The following CDH12 variants were observed in gnomAD, a reference collection of about 807,000 sequenced individuals.
The protein encoded by CDH12 is cadherin-12.
CDH12 carries 41 observed loss-of-function variants against 74.1 expected under a neutral mutation model. The ratio of observed to expected loss-of-function variants is 0.55; its 90% CI spans 0.43 to 0.72. The LOEUF is 0.72. Among genes scored for constraint, CDH12 ranks in the 30% least tolerant of loss-of-function variants. The pLI, the probability that CDH12 is intolerant of heterozygous loss-of-function variation, is 0.00. For synonymous variants in CDH12, 399 were observed against 355.0 expected, an observed-to-expected ratio of 1.12 and a Z score of -1.39; for missense variants, 945 against 977.2, an observed-to-expected ratio of 0.97 and a Z score of 0.44.
intron 3 of CDH12, among the ~76,000 whole-genome samples, chr5:22,396,353 C>A (rs1200914827): frequency 6.6e-6 from 1 of 152,076 alleles, no homozygotes; most frequent in East Asian, 1.9e-4. Context: ...GCAAAGGAGA[C>A]TTTCTGCCTG....
At chr5:22,303,516 A>G (rs1232257531) in intron 3 of CDH12, among the ~76,000 whole-genome samples, 1 of 152,178 alleles carries the variant, frequency 6.6e-6, no homozygotes, top group Admixed American at 6.6e-5. Context: ...ATTAATGGAA[A>G]AAAAGTGATT....
chr5:21,804,004 C>A (rs1747284810), intron 9 of CDH12, among the ~76,000 whole-genome samples: 1 of 152,100 alleles, frequency 6.6e-6, no homozygotes, highest in African/African-American at 2.4e-5. Context: ...TTTCACCATA[C>A]TTTTTTATGC....
At chr5:21,936,996 G>C (rs1487146371) in intron 6 of CDH12, among the ~76,000 whole-genome samples, 1 of 152,116 alleles carries the variant, frequency 6.6e-6, no homozygotes, top group Non-Finnish European at 1.5e-5. Context: ...TTCTCAGGTA[G>C]TATCTTTATA....
At chr5:21,880,684 T>TTTCC (rs1363040442) in intron 6 of CDH12, among the ~76,000 whole-genome samples, 34 of 133,344 alleles carry the variant, frequency 2.5e-4, no homozygotes, top group African/African-American at 8.8e-4. Context: ...TCTTTCTTTC[T>TTTCC]TTCTTTCTCT....
At chr5:21,777,329 T>C (rs1456690899) in intron 11 of CDH12, among the ~76,000 whole-genome samples, 1 of 152,176 alleles carries the variant, frequency 6.6e-6, no homozygotes, top group East Asian at 1.9e-4. Flanking sequence ...TCTGAGTCTC[T>C]GTTTTTTCTT....
At chr5:22,271,579 C>G (rs1269730775) in intron 3 of CDH12, among the ~76,000 whole-genome samples, 1 of 152,188 alleles carries the variant, frequency 6.6e-6, no homozygotes, top group African/African-American at 2.4e-5. Flanking sequence ...TGAGATCCAA[C>G]AAAGGAATCA....
chr5:22,116,360 A>C (rs962514067), intron 4 of CDH12, among the ~76,000 whole-genome samples: 2 of 152,098 alleles, frequency 1.3e-5, no homozygotes, highest in Admixed American at 1.3e-4. Context: ...CATTTAAGAA[A>C]AGAATCTGGC....
At chr5:21,996,735 G>C (rs1736325697) in intron 5 of CDH12, among the ~76,000 whole-genome samples, 1 of 152,024 alleles carries the variant, frequency 6.6e-6, no homozygotes, top group South Asian at 2.1e-4. Flanking sequence ...GTTTTCTGAT[G>C]GTTTCAGATA....
chr5:21,758,125 C>T (rs985326827), intron 13 of CDH12, among the ~76,000 whole-genome samples: 3 of 152,090 alleles, frequency 2.0e-5, no homozygotes, highest in African/African-American at 7.2e-5. Flanking sequence ...TGGATAGGGT[C>T]CTCATATGGT....
intron 1 of CDH12, among the ~76,000 whole-genome samples, chr5:22,621,171 A>T (rs1208012289): frequency 2.0e-5 from 3 of 152,148 alleles, no homozygotes; most frequent in African/African-American, 7.2e-5. Context: ...AGCATCTACC[A>T]ATCTCTCCGA....
At chr5:22,674,398 T>C (rs1392538584) in intron 1 of CDH12, among the ~76,000 whole-genome samples, 1 of 152,226 alleles carries the variant, frequency 6.6e-6, no homozygotes, top group Non-Finnish European at 1.5e-5. Context: ...TCTGCCATGA[T>C]TGTGAGGCCT....
intron 1 of CDH12, among the ~76,000 whole-genome samples, chr5:22,648,597 G>T (rs934583524): frequency 6.6e-6 from 1 of 151,700 alleles, no homozygotes; most frequent in Non-Finnish European, 1.5e-5. Context: ...CATACACGCA[G>T]GTTTAAATAA....
intron 2 of CDH12, among the ~76,000 whole-genome samples, chr5:22,421,933 G>C (rs1439062134): frequency 6.6e-6 from 1 of 152,192 alleles, no homozygotes; most frequent in East Asian, 1.9e-4. Flanking sequence ...TTTCTCTAAT[G>C]ACCAGTGATG....
intron 3 of CDH12, among the ~76,000 whole-genome samples, chr5:22,267,467 G>A (rs1327796782): frequency 6.6e-6 from 1 of 152,120 alleles, no homozygotes; most frequent in Non-Finnish European, 1.5e-5. Flanking sequence ...CTTATTTCAT[G>A]TCCCTGAATA....
chr5:21,962,571 T>A (rs1462962774), intron 6 of CDH12, among the ~76,000 whole-genome samples: 1 of 152,154 alleles, frequency 6.6e-6, no homozygotes, highest in Non-Finnish European at 1.5e-5. Flanking sequence ...ATTTATTAAA[T>A]TTTCCTGCTT....
chr5:22,761,036 A>G (rs1372814083), intron 1 of CDH12, among the ~76,000 whole-genome samples: 1 of 152,212 alleles, frequency 6.6e-6, no homozygotes, highest in Non-Finnish European at 1.5e-5. Flanking sequence ...TCATTTTACA[A>G]ACAGAGCTCA....
chr5:22,215,128 TATA>T (rs1397666436), intron 3 of CDH12, among the ~76,000 whole-genome samples: 5 of 152,182 alleles, frequency 3.3e-5, no homozygotes, highest in African/African-American at 1.2e-4. Context: ...AAGCAGACAT[TATA>T]ATATTTTATT....
chr5:22,831,402 A>G (rs894224252), intron 1 of CDH12, among the ~76,000 whole-genome samples: 3 of 123,618 alleles, frequency 2.4e-5, no homozygotes, highest in Non-Finnish European at 5.3e-5. Flanking sequence ...TGTGTATTTC[A>G]AATGAGCCTG....
At chr5:21,861,727 A>G (rs898340224) in intron 6 of CDH12, among the ~76,000 whole-genome samples, 1 of 152,146 alleles carries the variant, frequency 6.6e-6, no homozygotes, top group African/African-American at 2.4e-5. Context: ...CAAAAAGCAT[A>G]TAGATTCAAC....
Sources: allele counts gnomAD v4.1 joint callset (sites outside exome capture counted in the v4.1 genomes callset), GRCh38; gene constraint gnomAD v4.1.1; transcripts MANE v1.5; gene names NCBI Gene and HGNC (gene_info 2026-07-23, HGNC 2026-07-21).